CA10: variants seen among roughly 807,000 people sequenced by gnomAD.
CA10 encodes the protein carbonic anhydrase 10 (inactive).
Under a neutral mutation model 44.2 loss-of-function variants are expected in CA10, and 14 were observed. The ratio of observed to expected loss-of-function variants is 0.32; its 90% CI spans 0.21 to 0.50. The LOEUF (loss-of-function observed/expected upper bound fraction) is 0.50. Ranked by LOEUF, CA10 falls within the 20% of genes least tolerant of loss-of-function variation. CA10 has a pLI of 0.99. For synonymous variants in CA10, 159 were observed against 141.6 expected (o/e 1.12, Z -0.87); for missense variants, 350 against 409.7 (o/e 0.85, Z 1.26).
intron 4 of CA10, among the ~76,000 whole-genome samples, chr17:51,718,588 T>A (rs1389532388): frequency 6.6e-6 from 1 of 152,202 alleles, no homozygotes; most frequent in African/African-American, 2.4e-5. Flanking sequence ...CTGGTAAATG[T>A]TTCTCTGATT....
chr17:51,705,013 CT>C (rs951804176), intron 4 of CA10, among the ~76,000 whole-genome samples: 3 of 151,660 alleles, frequency 2.0e-5, no homozygotes, highest in East Asian at 1.9e-4. Flanking sequence ...TCTATCACAT[CT>C]TTTTTTTCAT....
intron 6 of CA10, among the ~76,000 whole-genome samples, chr17:51,639,706 C>G (rs963688040): frequency 1.3e-5 from 2 of 152,164 alleles, no homozygotes; most frequent in African/African-American, 4.8e-5. Flanking sequence ...ACCTTTTGCC[C>G]TTTTTATATC....
chr17:51,633,712 A>T, intron 7 of CA10, 62 bp from the exon 8 acceptor site: 3 of 1,561,202 alleles, frequency 1.9e-6, no homozygotes, highest in Non-Finnish European at 2.6e-6. Flanking sequence ...GGGAAGAAAT[A>T]AGACCACAGA....
intron 3 of CA10, among the ~76,000 whole-genome samples, chr17:51,917,439 T>C (rs1428194198): frequency 8.5e-6 from 1 of 117,260 alleles, no homozygotes; most frequent in East Asian, 2.7e-4. Flanking sequence ...TCCCTGTGTA[T>C]GTTAAGCTGT....
At chr17:51,917,383 T>G (rs576405443) in intron 3 of CA10, among the ~76,000 whole-genome samples, 3 of 107,442 alleles carry the variant, frequency 2.8e-5, no homozygotes, top group Non-Finnish European at 7.3e-5. Context: ...ACCCTAGGAG[T>G]GCATGGCAGG....
Position 51,706,016 on chromosome 17 carries a change from C to T in CA10, c.465+41617G>A, listed in dbSNP as rs371890365. ...ATTTTGAGTAGGAATCTGTGTAGCG[C>T]AGTGGTTGAGGGAATGTCAGACAGG... On this transcript the variant is annotated intron_variant, in intron 4 of 8. Transcript: ENST00000451037. 3.7e-4 allele frequency among the ~76,000 whole-genome samples: 56 copies of T among 152,270 alleles called. 1 individual carries two copies. The highest frequency in any genetic ancestry group is 1.3e-3 in the African/African-American group (54 of 41,548).
intron 3 of CA10, among the ~76,000 whole-genome samples, chr17:51,885,144 A>AT (rs918552119): frequency 6.6e-6 from 1 of 152,122 alleles, no homozygotes; most frequent in Non-Finnish European, 1.5e-5. Context: ...TTTTTACTTC[A>AT]TTTTTTGTCT....
chr17:52,103,004 G>T (rs540774520), intron 1 of CA10, among the ~76,000 whole-genome samples: 1 of 151,762 alleles, frequency 6.6e-6, no homozygotes, highest in East Asian at 1.9e-4. Flanking sequence ...CTATGTGCAC[G>T]CACTTCTCAC....
chr17:51,662,763 T>G (rs1914053721), intron 4 of CA10, among the ~76,000 whole-genome samples: 1 of 152,140 alleles, frequency 6.6e-6, no homozygotes. Flanking sequence ...TGGCTAAAAA[T>G]AAAAATAATT....
chr17:51,754,556 G>C (rs1905021275), intron 3 of CA10, among the ~76,000 whole-genome samples: 1 of 151,264 alleles, frequency 6.6e-6, no homozygotes, highest in African/African-American at 2.4e-5. Context: ...GTTTACCTCT[G>C]AAGGTACCCT....
intron 3 of CA10, among the ~76,000 whole-genome samples, chr17:51,859,906 A>G (rs1979227523): frequency 6.6e-6 from 1 of 152,118 alleles, no homozygotes; most frequent in Non-Finnish European, 1.5e-5. Flanking sequence ...AATAAATGTT[A>G]TATTTCTTAT....
chr17:51,944,759 T>A (rs1324165106), intron 2 of CA10, among the ~76,000 whole-genome samples: 1 of 152,190 alleles, frequency 6.6e-6, no homozygotes, highest in African/African-American at 2.4e-5. Context: ...CATACATGTA[T>A]ATTCCAAGCT....
chr17:51,979,201 C>G (rs1000117195), intron 2 of CA10, among the ~76,000 whole-genome samples: 1 of 152,134 alleles, frequency 6.6e-6, no homozygotes, highest in Non-Finnish European at 1.5e-5. Flanking sequence ...TTTCCTCCCC[C>G]ACTTATGACA....
At chr17:51,795,764 G>A (rs1054994749) in intron 3 of CA10, among the ~76,000 whole-genome samples, 13 of 152,224 alleles carry the variant, frequency 8.5e-5, no homozygotes, top group South Asian at 2.1e-4. Flanking sequence ...GGTGACCTCT[G>A]CATGGCCTTC....
intron 2 of CA10, among the ~76,000 whole-genome samples, chr17:52,022,371 T>C (rs911803147): frequency 4.6e-5 from 7 of 152,100 alleles, no homozygotes; most frequent in Admixed American, 1.3e-4. Context: ...ATCATCTTGA[T>C]AGACACAGAA....
intron 3 of CA10, among the ~76,000 whole-genome samples, chr17:51,891,248 T>C (rs1980843834): frequency 6.6e-6 from 1 of 151,984 alleles, no homozygotes; most frequent in Admixed American, 6.6e-5. Flanking sequence ...TGGTAGTGAA[T>C]AATAGGGCTT....
intron 6 of CA10, among the ~76,000 whole-genome samples, chr17:51,647,509 G>A (rs1413436119): frequency 6.6e-6 from 1 of 151,402 alleles, no homozygotes. Context: ...TCCTCCCTTG[G>A]TGGCACAAGC....
chr17:51,909,942 T>A (rs1224343302), intron 3 of CA10, among the ~76,000 whole-genome samples: 1 of 152,086 alleles, frequency 6.6e-6, no homozygotes, highest in African/African-American at 2.4e-5. Context: ...ATTGGAAAAA[T>A]TTTTCGCTTC....
chr17:52,154,914 G>A (rs1989773301), intron 1 of CA10, among the ~76,000 whole-genome samples: 1 of 152,182 alleles, frequency 6.6e-6, no homozygotes, highest in African/African-American at 2.4e-5. Flanking sequence ...TGTACTTTAA[G>A]CAATATATCC....
Sources: gnomAD v4.1 joint callset for allele counts (sites outside exome capture counted in the v4.1 genomes callset) on GRCh38, gnomAD v4.1.1 for gene constraint, MANE v1.5 for transcripts, NCBI Gene and HGNC (gene_info 2026-07-23, HGNC 2026-07-21) for gene names.